DPP6: variants seen among roughly 807,000 people sequenced by gnomAD.
DPP6 encodes dipeptidyl peptidase like 6.
In DPP6, 69 loss-of-function variants were observed where a neutral mutation model predicts 122.6. The ratio of observed to expected loss-of-function variants is 0.56; its 90% CI spans 0.46 to 0.69. DPP6 has a LOEUF of 0.69. Among genes scored for constraint, DPP6 ranks in the 30% least tolerant of loss-of-function variants. DPP6 has a pLI of 0.00. For missense variants in DPP6, 928 were observed against 1,116.9 expected, an observed-to-expected ratio of 0.83 and a Z score of 2.41; for synonymous variants, 418 against 433.1, an observed-to-expected ratio of 0.97 and a Z score of 0.43.
chr7:154,768,954 G>A (rs1221436048), intron 8 of DPP6, among the ~76,000 whole-genome samples: 1 of 152,152 alleles, frequency 6.6e-6, no homozygotes, highest in Non-Finnish European at 1.5e-5. Context: ...CTGCTTTTGG[G>A]CGACTCAGCC....
chr7:153,802,568 C>G, the DPP6 span, among the ~76,000 whole-genome samples: 2 of 152,090 alleles, frequency 1.3e-5, no homozygotes, highest in Non-Finnish European at 2.9e-5. Context: ...TACCCCTCTT[C>G]CAGCACAAGT....
intron 8 of DPP6, among the ~76,000 whole-genome samples, chr7:154,758,918 G>C (rs1208233023): frequency 6.6e-6 from 1 of 152,200 alleles, no homozygotes; most frequent in East Asian, 1.9e-4. Context: ...CTTCCCGTGA[G>C]AGCACGCAGC....
Position 154,801,379 on chromosome 7 carries a change from G to A in DPP6, c.1324G>A (p.Asp442Asn). The A allele has an allele frequency of 6.3e-7, 1 of 1,593,200 alleles. No homozygotes were observed. The highest frequency in any genetic ancestry group is 8.6e-7 in the Non-Finnish European group (1 of 1,168,816). Residue 442 changes from aspartate (D) to asparagine (N), a missense_variant, in exon 13 of 26, where the codon GAT becomes AAT. By Grantham distance (23) the Asp-to-Asn change is conservative. Coordinates refer to ENST00000377770, the MANE Select transcript of DPP6 (RefSeq NM_130797.4). ...RQNEEPVFSKDGRKFFFIRAI... is the reference protein window; with the variant it reads ...RQNEEPVFSKNGRKFFFIRAI... ...GAATGAAGAACCTGTGTTCTCCAAG[G>A]ATGGCCGAAAGTTTTTCTTCATCAG...
At chr7:153,799,829 T>C in the DPP6 span, among the ~76,000 whole-genome samples, 1 of 152,224 alleles carries the variant, frequency 6.6e-6, no homozygotes, top group South Asian at 2.1e-4. Flanking sequence ...TAATACAATT[T>C]TACCATGAGC....
chr7:154,135,147 G>A (rs7799677), intron 1 of DPP6, among the ~76,000 whole-genome samples: 125,759 of 151,380 alleles, frequency 0.83, 52,814 homozygotes, highest in African/African-American at 0.95. Flanking sequence ...CCACATTGTG[G>A]GTGTACACTT....
At chr7:154,385,018 A>G (rs1164351022) in intron 1 of DPP6, among the ~76,000 whole-genome samples, 1 of 152,092 alleles carries the variant, frequency 6.6e-6, no homozygotes, top group Non-Finnish European at 1.5e-5. Context: ...TCTGTCGCCC[A>G]GGAGTGCAGT....
At chr7:154,728,572 G>A (rs1174007455) in intron 8 of DPP6, among the ~76,000 whole-genome samples, 1 of 152,222 alleles carries the variant, frequency 6.6e-6, no homozygotes, top group Non-Finnish European at 1.5e-5. Flanking sequence ...ACTGCTGGAA[G>A]CACTTTGTTT....
chr7:154,771,275 C>T (rs932191013), intron 9 of DPP6, among the ~76,000 whole-genome samples: 1 of 152,184 alleles, frequency 6.6e-6, no homozygotes, highest in African/African-American at 2.4e-5. Flanking sequence ...CAGACCTAGG[C>T]AGCTTAAACA....
intron 3 of DPP6, among the ~76,000 whole-genome samples, chr7:154,505,971 C>CT (rs1825632533): frequency 6.6e-6 from 1 of 152,008 alleles, no homozygotes; most frequent in African/African-American, 2.4e-5. Context: ...TTTGTCTACT[C>CT]TCCCCCATTT....
At chr7:154,132,825 A>G (rs1489977339) in intron 1 of DPP6, among the ~76,000 whole-genome samples, 1 of 152,000 alleles carries the variant, frequency 6.6e-6, no homozygotes, top group Non-Finnish European at 1.5e-5. Flanking sequence ...CCCTCCCGGT[A>G]TATACAGCAC....
intron 1 of DPP6, among the ~76,000 whole-genome samples, chr7:154,335,514 G>A (rs1270745060): frequency 2.6e-5 from 4 of 152,160 alleles, no homozygotes; most frequent in Non-Finnish European, 5.9e-5. Flanking sequence ...TGTGACACTC[G>A]AAATCCAAGT....
intron 6 of DPP6, among the ~76,000 whole-genome samples, chr7:154,663,582 C>T (rs1455461566): frequency 7.2e-5 from 2 of 27,772 alleles, no homozygotes; most frequent in Non-Finnish European, 1.3e-4. Context: ...AGTGTTCACG[C>T]AGTCATGGTG....
intron 1 of DPP6, among the ~76,000 whole-genome samples, chr7:154,437,477 C>T (rs1438936743): frequency 1.3e-5 from 2 of 152,172 alleles, no homozygotes; most frequent in Admixed American, 6.5e-5. Context: ...GGGGCCCATA[C>T]TACAAGGCTG....
intron 1 of DPP6, chr7:154,058,096 C>G (rs1282353230): frequency 1.4e-5 from 2 of 141,436 alleles, no homozygotes; most frequent in African/African-American, 2.6e-5. Context: ...GAGGCATCCC[C>G]CATGAGGCGG....
At chr7:154,229,759 C>A (rs1410517028) in intron 1 of DPP6, among the ~76,000 whole-genome samples, 4 of 152,080 alleles carry the variant, frequency 2.6e-5, no homozygotes, top group Admixed American at 2.6e-4. Flanking sequence ...TATCAGAATT[C>A]ATGTTGCTCT....
At chr7:153,833,418 A>G in the DPP6 span, among the ~76,000 whole-genome samples, 3 of 152,252 alleles carry the variant, frequency 2.0e-5, no homozygotes, top group Admixed American at 2.0e-4. Flanking sequence ...CCACACCTGT[A>G]ATCCCAGCAC....
intron 1 of DPP6, among the ~76,000 whole-genome samples, chr7:154,376,517 G>T (rs1029485528): frequency 6.6e-6 from 1 of 152,182 alleles, no homozygotes; most frequent in Admixed American, 6.5e-5. Context: ...TATGAGATTT[G>T]AAATCTAGAA....
chr7:154,200,938 C>T (rs1321737293), intron 1 of DPP6, among the ~76,000 whole-genome samples: 1 of 151,598 alleles, frequency 6.6e-6, no homozygotes, highest in Non-Finnish European at 1.5e-5. Context: ...AATTGGTTTC[C>T]TTTAAAAAAA....
At chr7:154,257,122 G>A (rs1802708452) in intron 1 of DPP6, among the ~76,000 whole-genome samples, 1 of 150,988 alleles carries the variant, frequency 6.6e-6, no homozygotes, top group African/African-American at 2.4e-5. Flanking sequence ...TCAGCCTCCT[G>A]AGTAGCATGT....
Sources: gnomAD v4.1 joint callset for allele counts (sites outside exome capture counted in the v4.1 genomes callset) on GRCh38, gnomAD v4.1.1 for gene constraint, MANE v1.5 for transcripts, NCBI Gene and HGNC (gene_info 2026-07-23, HGNC 2026-07-21) for gene names.